Variants in CACNA1C observed in about 807,000 individuals in gnomAD.
The protein encoded by CACNA1C is voltage-dependent L-type calcium channel subunit alpha-1C.
Under a neutral mutation model 229.0 loss-of-function variants are expected in CACNA1C, and 30 were observed. The ratio of observed to expected loss-of-function variants is 0.13; its 90% CI spans 0.10 to 0.18. The LOEUF (loss-of-function observed/expected upper bound fraction) is 0.18. Among genes scored for constraint, CACNA1C ranks in the 10% least tolerant of loss-of-function variants. The pLI, the probability that CACNA1C is intolerant of heterozygous loss-of-function variation, is 1.00. For missense variants in CACNA1C, 1,658 were observed against 2,845.0 expected, an observed-to-expected ratio of 0.58 and a Z score of 9.49; for synonymous variants, 1,114 against 1,132.5, an observed-to-expected ratio of 0.98 and a Z score of 0.33.
At chr12:1,996,658 A>AAC (rs2040980611) in intron 1 of CACNA1C, among the ~76,000 whole-genome samples, 1 of 74,032 alleles carries the variant, frequency 1.4e-5, no homozygotes, top group Non-Finnish European at 2.7e-5. Context: ...AAAAAAAACA[A>AAC]CAAACTCTTC....
chr12:2,424,006 G>A (rs1023928399), intron 3 of CACNA1C, among the ~76,000 whole-genome samples: 10 of 152,094 alleles, frequency 6.6e-5, no homozygotes, highest in Non-Finnish European at 1.5e-4. Context: ...CCTCCTCTTG[G>A]GAGAGACTGC....
In CACNA1C at chr12:2,647,356, G is replaced by A. The variant is rs2094466353; in HGVS notation, c.3913-1119G>A. ...CCAGGCTCCAGGAACTCGGGGAGAGGGCTGGCCCTGGGATACTCACCAGAG... is the reference window on the plus strand; with the variant it reads ...CCAGGCTCCAGGAACTCGGGGAGAGAGCTGGCCCTGGGATACTCACCAGAG... On this transcript the variant is annotated intron_variant, in intron 30 of 46. Transcript: ENST00000399655. The surrounding 1 kb of genome is among the most constrained non-coding windows in gnomAD (Gnocchi z 4.2). 2.0e-5 allele frequency among the ~76,000 whole-genome samples: 3 copies of A among 152,316 alleles called. No homozygotes were observed. In the South Asian group the frequency reaches 6.2e-4, roughly 32 times the overall value.
intron 3 of CACNA1C, among the ~76,000 whole-genome samples, chr12:2,305,540 C>T (rs1205839581): frequency 6.6e-6 from 1 of 152,174 alleles, no homozygotes; most frequent in East Asian, 1.9e-4. Context: ...TTCTTCCCCA[C>T]CCCTCAAAAA....
intron 7 of CACNA1C, among the ~76,000 whole-genome samples, chr12:2,497,617 A>T (rs1240302759): frequency 3.9e-5 from 6 of 152,150 alleles, no homozygotes; most frequent in Non-Finnish European, 8.8e-5. Context: ...TCCTGGGTTC[A>T]TGCCCCTTCC....
chr12:2,163,731 G>A (rs999651156), intron 3 of CACNA1C, among the ~76,000 whole-genome samples: 11 of 152,128 alleles, frequency 7.2e-5, no homozygotes, highest in African/African-American at 1.9e-4. Context: ...ATTTTGCAGC[G>A]GCTCTGGCGG....
At chr12:2,337,681 G>A (rs2096740594) in intron 3 of CACNA1C, among the ~76,000 whole-genome samples, 1 of 152,130 alleles carries the variant, frequency 6.6e-6, no homozygotes, top group Non-Finnish European at 1.5e-5. Flanking sequence ...GTTTAACAAA[G>A]CACTTTAAAT....
At chr12:2,241,811 C>G (rs141223475) in intron 3 of CACNA1C, among the ~76,000 whole-genome samples, 79 of 152,332 alleles carry the variant, frequency 5.2e-4, no homozygotes, top group African/African-American at 1.7e-3. Context: ...TGTTTGATCC[C>G]CTGCTGTATT....
At chr12:2,121,969 T>A (rs1161936301) in intron 3 of CACNA1C, among the ~76,000 whole-genome samples, 3 of 152,110 alleles carry the variant, frequency 2.0e-5, no homozygotes, top group African/African-American at 7.2e-5. Flanking sequence ...TTTTCTTAGG[T>A]CCTGAGATGG....
Position 2,585,913 on chromosome 12 carries a change from C to T in CACNA1C, c.2530+9C>T, listed in dbSNP as rs587780876. The stretch of plus-strand genomic sequence containing the variant: ...CAACCCAGAAACTACAGGTACCAGT[C>T]CCACTGCCTAACCTGGGATTGGGAG... On this transcript the variant is annotated intron_variant, in intron 18 of 46. Transcript: ENST00000399655. The surrounding 1 kb of genome is among the most constrained non-coding windows in gnomAD (Gnocchi z 4.1). The T allele has an allele frequency of 6.4e-7, 1 of 1,559,044 alleles. No individual in the cohort carries two copies. The highest frequency in any genetic ancestry group is 1.8e-5 in the Admixed American group (1 of 55,094).
intron 7 of CACNA1C, among the ~76,000 whole-genome samples, chr12:2,495,535 T>G (rs146135744): frequency 1.3e-5 from 2 of 152,214 alleles, no homozygotes; most frequent in Admixed American, 6.5e-5. Context: ...CCACAAGTCA[T>G]TGATGCCCCA....
At chr12:2,208,403 TAGCTG>T (rs778410307) in intron 3 of CACNA1C, among the ~76,000 whole-genome samples, 2 of 152,164 alleles carry the variant, frequency 1.3e-5, no homozygotes, top group African/African-American at 2.4e-5. Context: ...ACAGTTATCT[TAGCTG>T]AGATGGCCTT....
intron 3 of CACNA1C, among the ~76,000 whole-genome samples, chr12:2,417,262 G>A (rs764943964): frequency 6.6e-5 from 10 of 152,152 alleles, no homozygotes; most frequent in African/African-American, 7.2e-5. Context: ...TGTGGCTCCC[G>A]CCCGGTGATG....
intron 3 of CACNA1C, among the ~76,000 whole-genome samples, chr12:2,413,027 TG>T (rs1420812568): frequency 6.6e-6 from 1 of 152,236 alleles, no homozygotes; most frequent in Non-Finnish European, 1.5e-5. Flanking sequence ...AATGCTTTTT[TG>T]TTTTCTTGAG....
At chr12:2,342,774 C>G (rs532303901) in intron 3 of CACNA1C, among the ~76,000 whole-genome samples, 2 of 152,204 alleles carry the variant, frequency 1.3e-5, no homozygotes, top group Admixed American at 6.5e-5. Context: ...TATACCAGTT[C>G]TTTGCCCTTA....
chr12:2,451,613 G>GA (rs2099372165), intron 4 of CACNA1C, among the ~76,000 whole-genome samples: 1 of 152,192 alleles, frequency 6.6e-6, no homozygotes, highest in African/African-American at 2.4e-5. Flanking sequence ...GGTTGACAGG[G>GA]AGGCAGTGCA....
At chr12:2,590,373 C>A (rs1272913228) in intron 18 of CACNA1C, among the ~76,000 whole-genome samples, 1 of 152,140 alleles carries the variant, frequency 6.6e-6, no homozygotes, top group Non-Finnish European at 1.5e-5. Context: ...CCTCCAAGAA[C>A]AAAAATTAGA....
chr12:1,972,999 G>A (rs1592851360), intron 1 of CACNA1C, among the ~76,000 whole-genome samples: 3 of 152,186 alleles, frequency 2.0e-5, no homozygotes, highest in Non-Finnish European at 4.4e-5. Context: ...GGCTCTGTGC[G>A]GATTCTGTAC....
intron 3 of CACNA1C, among the ~76,000 whole-genome samples, chr12:2,146,890 T>G (rs956939363): frequency 2.7e-5 from 4 of 149,988 alleles, no homozygotes; most frequent in Admixed American, 6.7e-5. Context: ...CAAGCAGGGC[T>G]GAGTTAACTG....
intron 32 of CACNA1C, among the ~76,000 whole-genome samples, chr12:2,652,456 G>A (rs981412840): frequency 7.9e-5 from 12 of 152,206 alleles, no homozygotes; most frequent in Admixed American, 1.3e-4. Flanking sequence ...CCAGATGAGC[G>A]CAGAACCCGT....
Sources: gnomAD v4.1 joint callset for allele counts (sites outside exome capture counted in the v4.1 genomes callset) on GRCh38, gnomAD v4.1.1 for gene constraint, Gnocchi (gnomAD v3.1) non-coding constraint, MANE v1.5 for transcripts, NCBI Gene and HGNC (gene_info 2026-07-23, HGNC 2026-07-21) for gene names.